PCARE: variants seen among roughly 807,000 people sequenced by gnomAD.
The protein encoded by PCARE is uncharacterized protein C2orf71.
PCARE carries 72 observed loss-of-function variants against 82.2 expected under a neutral mutation model. That is an observed-to-expected ratio of 0.88 (90% CI 0.72 to 1.07). The LOEUF is 1.07. PCARE is among the 50% of genes least tolerant of loss of function. The pLI, the probability that PCARE is intolerant of heterozygous loss-of-function variation, is 0.00. For missense variants in PCARE, 1,768 were observed against 1,592.4 expected (o/e 1.11, Z -1.88); for synonymous variants, 705 against 634.8 (o/e 1.11, Z -1.66).
rs1314281372 is a variant in PCARE, at chr2:29,072,459, C to A, written c.1803G>T (p.Gln601His). 1 of 1,614,220 alleles carries A rather than the reference C, an allele frequency of 6.2e-7. No individual in the cohort carries two copies. The highest frequency in any genetic ancestry group is 1.3e-5 in the African/African-American group (1 of 75,074). ...GAAAGGTGGGGTCCTCCACGTGACT[C>A]TGGAGACACGACTCTGACTGGGACC... Reference protein sequence around the residue: ...QTRSQSESCLQSHVEDPTFQE... With the variant: ...QTRSQSESCLHSHVEDPTFQE... The change falls in exon 1 of 2, where the codon CAG becomes CAT. Residue 601 changes from glutamine to histidine, a missense_variant. Transcript: ENST00000331664.
Position 29,072,423 on chromosome 2 carries a change from T to G in PCARE, c.1839A>C (p.Arg613=), listed in dbSNP as rs1667507565. ...HVEDPTFQEL[R]RVQRDLSQKL... ...TCTGACTGAGGTCCCTCTGGACCCT[T>G]CGCAGCTCCTGAAAGGTGGGGTCCT... The change falls in exon 1 of 2, where the codon CGA becomes CGC. Residue 613 remains arginine, a synonymous_variant. Transcript: ENST00000331664. 1 of 1,614,162 alleles carries G rather than the reference T, an allele frequency of 6.2e-7. No individual in the cohort carries two copies.
rs1452236848 is a variant in PCARE at position 29,071,128 on chromosome 2, T to A, written c.3134A>T (p.Lys1045Met). ...SPRVLSPPTT[K>M]RRTSPPHQPK... is the part of the protein sequence containing the mutation. ...CTGGTGCGGTGGGGAAGTTCGCCGC[T>A]TTGTGGTGGGTGGGCTTAGCACCCT... The change falls in exon 1 of 2, where the codon AAG becomes ATG. Residue 1045 changes from lysine (K) to methionine (M), a missense_variant. By Grantham distance (95) the Lys-to-Met change is moderately conservative (BLOSUM62 -1). Transcript: ENST00000331664. 3 of 1,585,386 alleles carry A rather than the reference T, an allele frequency of 1.9e-6. No individual in the cohort carries two copies. The highest frequency in any genetic ancestry group is 2.6e-6 in the Non-Finnish European group (3 of 1,165,638).
chr2:29,070,767 G>A lies in PCARE; in HGVS notation c.3495C>T (p.Asn1165=). The change falls in exon 1 of 2, where the codon AAC becomes AAT. Residue 1165 remains asparagine, a synonymous_variant. Coordinates refer to ENST00000331664, the MANE Select transcript of PCARE (RefSeq NM_001029883.3). ...PLGNPAECWK[N]SSGPWLRADS... is the part of the protein sequence containing the mutation. ...CTGCTCTCAGCCAAGGCCCTGAGCT[G>A]TTCTTCCAGCATTCTGCTGGGTTCC... 1 of 1,614,136 alleles carries A rather than the reference G, an allele frequency of 6.2e-7. No individual in the cohort carries two copies. The highest frequency in any genetic ancestry group is 1.1e-5 in the South Asian group (1 of 91,084).
At chr2:29,066,997 C>G (rs1195378010) in intron 1 of PCARE, among the ~76,000 whole-genome samples, 1 of 152,218 alleles carries the variant, frequency 6.6e-6, no homozygotes, top group Non-Finnish European at 1.5e-5. Flanking sequence ...GGTAAGCCTC[C>G]AAGGGCTGTT....
chr2:29,072,908 T>A lies in PCARE; in HGVS notation c.1354A>T (p.Thr452Ser). The change falls in exon 1 of 2, where the codon ACA (threonine) becomes TCA (serine). Residue 452 changes from threonine to serine, a missense_variant. Thr to Ser is a moderately conservative substitution (Grantham distance 58). Coordinates refer to ENST00000331664, the MANE Select transcript of PCARE (RefSeq NM_001029883.3). ...CCAAAGGAATCACATGGGGTGCTTGTCCCCAGCTTCAAAGGTGGGGAGGTG... is the reference window on the plus strand; with the variant it reads ...CCAAAGGAATCACATGGGGTGCTTGACCCCAGCTTCAAAGGTGGGGAGGTG... ...NITSPPLKLG[T>S]STPCDSFGIG... 1.2e-6 allele frequency: 2 copies of A among 1,614,096 alleles called. No individual in the cohort carries two copies. Among genetic ancestry groups the A allele is most frequent in the South Asian group, 1.1e-5 (1 of 91,068 alleles).
chr2:29,070,948 G>A lies in PCARE; in HGVS notation c.3314C>T (p.Ser1105Phe). ...GGCTATGACTGCTTGGCTGTCTTCA[G>A]AGTCTCTTGTTTCCTTGTGCTCCTG... The part of the protein sequence containing the change: ...PSQEHKETRD[S>F]EDSQAVIAKV... The change falls in exon 1 of 2, where the codon TCT (serine) becomes TTT (phenylalanine). Residue 1105 changes from serine (S) to phenylalanine (F), a missense_variant. Ser to Phe is a radical substitution (Grantham distance 155). Transcript: ENST00000331664. The A allele has an allele frequency of 6.2e-7, 1 of 1,613,632 alleles. No homozygotes were observed. Among genetic ancestry groups the A allele is most frequent in the Non-Finnish European group, 8.5e-7 (1 of 1,179,970 alleles).
In PCARE at chr2:29,073,714, G is replaced by A. The variant is rs1667537484; in HGVS notation, c.548C>T (p.Ala183Val). Reference protein sequence around the residue: ...KVDFPEPLVKAHQQAYTYLHS... With the variant: ...KVDFPEPLVKVHQQAYTYLHS... ...TAGATAGGTGTAAGCCTGCTGGTGGGCCTTTACCAGAGGCTCCGGGAAGTC... is the reference window on the plus strand; with the variant it reads ...TAGATAGGTGTAAGCCTGCTGGTGGACCTTTACCAGAGGCTCCGGGAAGTC... Residue 183 changes from alanine to valine, a missense_variant, in exon 1 of 2, where the codon GCC becomes GTC. Physicochemically the swap from Ala to Val is moderately conservative, Grantham distance 64. Transcript: ENST00000331664. The A allele has an allele frequency of 6.2e-7, 1 of 1,613,590 alleles. No individual in the cohort carries two copies. The highest frequency in any genetic ancestry group is 8.5e-7 in the Non-Finnish European group (1 of 1,179,792).
chr2:29,066,801 G>T (rs1336477197), intron 1 of PCARE, among the ~76,000 whole-genome samples: 1 of 152,228 alleles, frequency 6.6e-6, no homozygotes, highest in African/African-American at 2.4e-5. Context: ...GAGTAAGGGC[G>T]GCAGAGCGTG....
Position 29,071,306 on chromosome 2 carries a change from T to A in PCARE, c.2956A>T (p.Arg986Ter), listed in dbSNP as rs772855158. ...SLARPRQSRE[R>*]SPPVGRKASP... Reference sequence around the variant, plus strand: ...GCCTTTCTGCCCACAGGGGGGCTTCTCTCTCGGCTCTGCCTTGGTCTGGCC... The same window carrying A: ...GCCTTTCTGCCCACAGGGGGGCTTCACTCTCGGCTCTGCCTTGGTCTGGCC... The change falls in exon 1 of 2, where the codon AGA (arginine) becomes TGA (stop). Residue 986 changes from arginine (R) to a stop codon, truncating the protein, a stop_gained. Coordinates refer to ENST00000331664, the MANE Select transcript of PCARE (RefSeq NM_001029883.3). LOFTEE classifies it high-confidence loss of function. The A allele has an allele frequency of 6.2e-7, 1 of 1,613,350 alleles. No homozygotes were observed. Among genetic ancestry groups the A allele is most frequent in the East Asian group, 2.2e-5 (1 of 44,888 alleles).
At position 29,074,350 on chromosome 2, in the gene PCARE, C is replaced by T. The variant is rs921946401; in HGVS notation, c.-89G>A. ...GGAACAAAAGGCAATCTTACTAGTC[C>T]ATCCAGGCAATTTTCAGGCCAGAAT... On this transcript the variant is annotated 5_prime_UTR_variant, in exon 1 of 2. An upstream start codon of the reference 5' UTR is lost. Transcript: ENST00000331664. 13 of 1,390,080 alleles carry T rather than the reference C, an allele frequency of 9.4e-6. No homozygotes were observed. The African/African-American group carries it at 1.7e-4, about 18-fold the overall frequency. 86.1% of individuals were successfully genotyped at this position (1,390,080 alleles called of 1,614,324 possible). A position where few individuals can be genotyped will look rare whatever the true frequency, so the allele number is the denominator to read the frequency against.
In PCARE at chr2:29,074,279, A is replaced by G. The variant is rs764758277; in HGVS notation, c.-18T>C. ...CACCCCATGATTTCAGCTTGTAGTC[A>G]TCTTCCACCCACCTTCACAATTTTC... is the stretch of plus-strand genomic sequence containing the variant. On this transcript the variant is annotated 5_prime_UTR_variant, in exon 1 of 2. An upstream start codon of the reference 5' UTR is lost. Coordinates refer to ENST00000331664, the MANE Select transcript of PCARE (RefSeq NM_001029883.3). The G allele has an allele frequency of 6.6e-6, 10 of 1,518,370 alleles. No individual in the cohort carries two copies. The highest frequency in any genetic ancestry group is 4.2e-5 in the African/African-American group (3 of 71,672). 94.1% of individuals were successfully genotyped at this position (1,518,370 alleles called of 1,614,324 possible). A position where few individuals can be genotyped will look rare whatever the true frequency, so the allele number is the denominator to read the frequency against.
intron 1 of PCARE, among the ~76,000 whole-genome samples, chr2:29,066,167 A>T (rs1286105516): frequency 2.0e-5 from 3 of 152,270 alleles, no homozygotes; most frequent in African/African-American, 7.2e-5. Context: ...AATAAAAATT[A>T]AAAAAGGAAG....
At chr2:29,068,694 G>A (rs1345839967) in intron 1 of PCARE, among the ~76,000 whole-genome samples, 3 of 152,218 alleles carry the variant, frequency 2.0e-5, no homozygotes, top group Non-Finnish European at 2.9e-5. Context: ...TGTCTGCACG[G>A]CTGGACCAAT....
At chr2:29,069,369 T>TA (rs1288075182) in intron 1 of PCARE, among the ~76,000 whole-genome samples, 1 of 152,246 alleles carries the variant, frequency 6.6e-6, no homozygotes, top group Non-Finnish European at 1.5e-5. Context: ...GCAGCCATAA[T>TA]AAAGAACAAG....
In PCARE at chr2:29,061,990, C is replaced by T. The variant is rs1192288826; in HGVS notation, c.*2879G>A. ...AACTGTTCCATTGTGGATTTAATTC[C>T]TTTTGTACAAAGTCTAATTCACATG... On this transcript the variant is annotated 3_prime_UTR_variant, in exon 2 of 2. Transcript: ENST00000331664. 2.6e-5 allele frequency: 4 copies of T among 152,208 alleles called. No homozygotes were observed. Among genetic ancestry groups the T allele is most frequent in the Non-Finnish European group, 5.9e-5 (4 of 68,044 alleles). The allele number at this position is 152,208 out of a possible 1,614,324, so 9.4% of individuals were successfully genotyped here.
chr2:29,066,930 T>C (rs1358378464), intron 1 of PCARE, among the ~76,000 whole-genome samples: 2 of 152,228 alleles, frequency 1.3e-5, no homozygotes, highest in African/African-American at 4.8e-5. Flanking sequence ...GGCTGGTAGC[T>C]CTGCTGGGGG....
Position 29,072,317 on chromosome 2 carries a change from C to A in PCARE, c.1945G>T (p.Val649Leu). ...EQILQPRAAA[V>L]WPNGTCRVSP... ...ACCCTGCAGGTGCCATTGGGCCACA[C>A]GGCGGCTGCTCTGGGCTGCAGAATT... is the stretch of plus-strand genomic sequence containing the variant. The change falls in exon 1 of 2, where the codon GTG (valine) becomes TTG (leucine). Residue 649 changes from valine (V) to leucine (L), a missense_variant. By Grantham distance (32) the Val-to-Leu change is conservative (BLOSUM62 1). Coordinates refer to ENST00000331664, the MANE Select transcript of PCARE (RefSeq NM_001029883.3). The A allele has an allele frequency of 6.2e-7, 1 of 1,614,154 alleles. No homozygotes were observed. Among genetic ancestry groups the A allele is most frequent in the Non-Finnish European group, 8.5e-7 (1 of 1,180,042 alleles).
chr2:29,072,505 C>T lies in PCARE; in HGVS notation c.1757G>A (p.Arg586Lys). ...PRPSTVSGSR[R>K]APERQTRSQS... Reference sequence around the variant, plus strand: ...GGACCTCGTCTGCCTCTCAGGGGCCCTCCTGCTGCCACTTACCGTGCTAGG... The same window carrying T: ...GGACCTCGTCTGCCTCTCAGGGGCCTTCCTGCTGCCACTTACCGTGCTAGG... The change falls in exon 1 of 2, where the codon AGG becomes AAG. Residue 586 changes from arginine to lysine, a missense_variant. Physicochemically the swap from Arg to Lys is conservative, Grantham distance 26. Transcript: ENST00000331664. 1 of 1,614,232 alleles carries T rather than the reference C, an allele frequency of 6.2e-7. No individual in the cohort carries two copies. Among genetic ancestry groups the T allele is most frequent in the Non-Finnish European group, 8.5e-7 (1 of 1,180,044 alleles).
At chr2:29,067,394 G>A (rs1667405281) in intron 1 of PCARE, among the ~76,000 whole-genome samples, 1 of 152,176 alleles carries the variant, frequency 6.6e-6, no homozygotes, top group Non-Finnish European at 1.5e-5. Context: ...GGGGTGCTGG[G>A]GAATGAGCAC....
Sources: gnomAD v4.1 joint callset for allele counts (sites outside exome capture counted in the v4.1 genomes callset) on GRCh38, gnomAD v4.1.1 for gene constraint, MANE v1.5 for transcripts, NCBI Gene and HGNC (gene_info 2026-07-23, HGNC 2026-07-21) for gene names.